MAD1L1: variants seen among roughly 807,000 people sequenced by gnomAD.
MAD1L1 encodes the protein mitotic arrest deficient 1 like 1, also known as mitotic spindle assembly checkpoint protein MAD1.
Under a neutral mutation model 96.9 loss-of-function variants are expected in MAD1L1, and 95 were observed. The ratio of observed to expected loss-of-function variants is 0.98; its 90% CI spans 0.83 to 1.16. MAD1L1 has a LOEUF of 1.16. MAD1L1 is among the 50% of genes most tolerant of loss of function. The pLI is 0.00. For synonymous variants in MAD1L1, 473 were observed against 396.6 expected (o/e 1.19, Z -2.29); for missense variants, 1,007 against 954.4 (o/e 1.06, Z -0.73).
chr7:2,135,625 G>C (rs966555264), intron 11 of MAD1L1, among the ~76,000 whole-genome samples: 1 of 152,190 alleles, frequency 6.6e-6, no homozygotes, highest in Admixed American at 6.5e-5. Flanking sequence ...GCAGAGGAAG[G>C]CTCAGGTGGT....
At position 2,042,209 on chromosome 7, in the gene MAD1L1, G is replaced by A. The variant is rs186922883; in HGVS notation, c.1218+26985C>T. 5.4e-4 allele frequency among the ~76,000 whole-genome samples: 71 copies of A among 131,078 alleles called. 1 individual carries two copies. Among genetic ancestry groups the A allele is most frequent in the African/African-American group, 1.2e-3 (36 of 30,232 alleles). The allele number at this position is 131,078 out of a possible 152,430, so 86.0% of individuals were successfully genotyped here. On this transcript the variant is annotated intron_variant, in intron 12 of 18. Transcript: ENST00000265854. ...CACACACGCACATGGACACAGACAC[G>A]CACACAGACGTGCACACACAAGCGC... is the stretch of plus-strand genomic sequence containing the variant.
At chr7:2,129,927 A>G (rs1457578654) in intron 11 of MAD1L1, among the ~76,000 whole-genome samples, 2 of 152,202 alleles carry the variant, frequency 1.3e-5, no homozygotes, top group Non-Finnish European at 2.9e-5. Flanking sequence ...GCTGCCAGGA[A>G]GCTCCCAACC....
chr7:1,995,535 G>A (rs1472108620), intron 14 of MAD1L1, among the ~76,000 whole-genome samples: 2 of 152,178 alleles, frequency 1.3e-5, no homozygotes, highest in Non-Finnish European at 2.9e-5. Context: ...ATGGAAGGGC[G>A]GGCGCAGGAG....
At chr7:2,062,353 G>A (rs1784698866) in intron 12 of MAD1L1, among the ~76,000 whole-genome samples, 1 of 151,428 alleles carries the variant, frequency 6.6e-6, no homozygotes, top group Admixed American at 6.6e-5. Flanking sequence ...GAAGTAGGGG[G>A]ATCACGAGGT....
chr7:2,029,054 G>A (rs758029183), intron 12 of MAD1L1, among the ~76,000 whole-genome samples: 6 of 151,994 alleles, frequency 3.9e-5, no homozygotes, highest in Non-Finnish European at 7.4e-5. Context: ...AACCACAAAG[G>A]GAGGTAAAGA....
intron 11 of MAD1L1, among the ~76,000 whole-genome samples, chr7:2,077,403 G>A (rs1007043313): frequency 6.6e-6 from 1 of 152,216 alleles, no homozygotes; most frequent in African/African-American, 2.4e-5. Context: ...TCATGAGCAT[G>A]AAGCCACCGT....
intron 14 of MAD1L1, among the ~76,000 whole-genome samples, chr7:1,999,595 G>C (rs915961059): frequency 6.6e-6 from 1 of 152,164 alleles, no homozygotes; most frequent in Non-Finnish European, 1.5e-5. Flanking sequence ...CCCACTTCAG[G>C]AGGAGACAGG....
At chr7:2,118,739 A>G (rs1787837433) in intron 11 of MAD1L1, among the ~76,000 whole-genome samples, 1 of 152,116 alleles carries the variant, frequency 6.6e-6, no homozygotes, top group South Asian at 2.1e-4. Context: ...CTCGGCTCAC[A>G]GTCTTCCTTC....
intron 12 of MAD1L1, among the ~76,000 whole-genome samples, chr7:2,024,820 C>G (rs919829176): frequency 3.3e-5 from 5 of 152,144 alleles, no homozygotes; most frequent in African/African-American, 1.2e-4. Context: ...TAATAACCTC[C>G]CAAAAAGGAA....
intron 17 of MAD1L1, among the ~76,000 whole-genome samples, chr7:1,919,496 G>A (rs1029414370): frequency 2.0e-5 from 3 of 152,254 alleles, no homozygotes; most frequent in African/African-American, 7.2e-5. Flanking sequence ...CCGCACTGGG[G>A]AATGGGCTCA....
intron 13 of MAD1L1, among the ~76,000 whole-genome samples, 157 bp from the exon 14 acceptor site, chr7:2,002,278 G>A (rs1290299214): frequency 6.6e-6 from 1 of 152,230 alleles, no homozygotes; most frequent in Non-Finnish European, 1.5e-5. Flanking sequence ...GGTGGGCAGG[G>A]GCCAGTGTGG....
intron 10 of MAD1L1, among the ~76,000 whole-genome samples, chr7:2,181,153 A>G (rs931671308): frequency 6.6e-6 from 1 of 152,132 alleles, no homozygotes; most frequent in South Asian, 2.1e-4. Flanking sequence ...GTTTCTTTTT[A>G]TTGATATTCT....
chr7:2,205,079 CTTTTCTTTTTT>C (rs1041662956), intron 10 of MAD1L1, among the ~76,000 whole-genome samples: 3 of 88,692 alleles, frequency 3.4e-5, no homozygotes, highest in African/African-American at 1.1e-4. Context: ...CTCACAGGAT[CTTTTCTTTTTT>C]TTTTTTTTTT....
At chr7:2,192,261 A>G (rs1791763023) in intron 10 of MAD1L1, among the ~76,000 whole-genome samples, 1 of 151,600 alleles carries the variant, frequency 6.6e-6, no homozygotes, top group Non-Finnish European at 1.5e-5. Context: ...CTCCCAAGTC[A>G]TTGGGATTAC....
intron 12 of MAD1L1, among the ~76,000 whole-genome samples, chr7:2,033,591 A>G (rs1783329958): frequency 6.6e-6 from 1 of 152,252 alleles, no homozygotes; most frequent in Non-Finnish European, 1.5e-5. Context: ...AAAATCAACA[A>G]TCAACAGAAG....
chr7:1,869,610 G>T (rs1458423022), intron 18 of MAD1L1, among the ~76,000 whole-genome samples: 1 of 152,164 alleles, frequency 6.6e-6, no homozygotes. Context: ...ACATAACCAT[G>T]TTCCAGCCTG....
intron 10 of MAD1L1, among the ~76,000 whole-genome samples, chr7:2,156,692 G>A (rs1186408868): frequency 6.6e-6 from 1 of 152,000 alleles, no homozygotes; most frequent in Non-Finnish European, 1.5e-5. Flanking sequence ...GCAGTGGCAG[G>A]TGCCTGTAAT....
At chr7:1,915,337 G>C (rs971292873) in intron 17 of MAD1L1, among the ~76,000 whole-genome samples, 1 of 152,192 alleles carries the variant, frequency 6.6e-6, no homozygotes, top group Non-Finnish European at 1.5e-5. Flanking sequence ...GGAGGGCTGC[G>C]GTCCGAAAAG....
At chr7:1,847,637 C>T (rs777525068) in intron 18 of MAD1L1, 6 of 470,858 alleles carry the variant, frequency 1.3e-5, no homozygotes, top group Non-Finnish European at 2.6e-5. Context: ...TCGCCCCCTC[C>T]AGCAGCTGCC....
Sources: gnomAD v4.1 joint callset for allele counts (sites outside exome capture counted in the v4.1 genomes callset) on GRCh38, gnomAD v4.1.1 for gene constraint, MANE v1.5 for transcripts, NCBI Gene and HGNC (gene_info 2026-07-23, HGNC 2026-07-21) for gene names.